Variants in HEATR4 observed in about 807,000 individuals in gnomAD.
HEATR4 encodes the protein HEAT repeat containing 4.
Under a neutral mutation model 108.8 loss-of-function variants are expected in HEATR4, and 95 were observed. That is an observed-to-expected ratio of 0.87 (90% CI 0.74 to 1.04). The LOEUF is 1.04. Ranked by LOEUF, HEATR4 falls within the 50% of genes least tolerant of loss-of-function variation. The probability of loss-of-function intolerance (pLI) is 0.00; values close to 1 mark genes in which losing one functional copy is unlikely to be tolerated. For synonymous variants in HEATR4, 443 were observed against 459.4 expected, an observed-to-expected ratio of 0.96 and a Z score of 0.46; for missense variants, 1,152 against 1,253.8, an observed-to-expected ratio of 0.92 and a Z score of 1.23.
the HEATR4 span, chr14:73,592,169 C>T: frequency 1.2e-6 from 2 of 1,603,456 alleles, no homozygotes; most frequent in African/African-American, 1.4e-5. Flanking sequence ...CGCTGGGCGG[C>T]AGCTTCGCGG....
chr14:73,495,108 G>C lies in HEATR4; in HGVS notation c.2785+120C>G, dbSNP rs1886030364. On this transcript the variant is annotated intron_variant, in intron 16 of 17. Coordinates refer to ENST00000553558, the MANE Select transcript of HEATR4 (RefSeq NM_001220484.1). Reference sequence around the variant, plus strand: ...AGTGGATGGTAGCCAAGAGGGAAGAGAGTACCCTTTCCTGACTCTTTCATC... The same window carrying C: ...AGTGGATGGTAGCCAAGAGGGAAGACAGTACCCTTTCCTGACTCTTTCATC... 5.2e-6 allele frequency: 4 copies of C among 763,546 alleles called. No homozygotes were observed. In the East Asian group the frequency reaches 7.8e-5, roughly 15 times the overall value. 47.3% of individuals were successfully genotyped at this position (763,546 alleles called of 1,614,324 possible). A position where few individuals can be genotyped will look rare whatever the true frequency, so the allele number is the denominator to read the frequency against.
intron 9 of HEATR4, 53 bp downstream of exon 9, chr14:73,508,081 C>T: frequency 6.5e-7 from 1 of 1,548,744 alleles, no homozygotes; most frequent in Non-Finnish European, 8.9e-7. Context: ...TCACTGACCT[C>T]AAAGACCTAA....
chr14:73,596,568 C>T, the HEATR4 span: 1 of 152,000 alleles, frequency 6.6e-6, no homozygotes, highest in African/African-American at 2.4e-5. Flanking sequence ...CCTTTGTCTC[C>T]TTGACATTGA....
the HEATR4 span, among the ~76,000 whole-genome samples, chr14:73,616,373 A>G: frequency 6.6e-6 from 1 of 151,920 alleles, no homozygotes; most frequent in Non-Finnish European, 1.5e-5. Flanking sequence ...GCTGGAGTGC[A>G]GTGGTGTGAC....
chr14:73,490,993 C>A, intron 17 of HEATR4: 1 of 1,348,168 alleles, frequency 7.4e-7, no homozygotes, highest in Middle Eastern at 2.6e-4. Context: ...GCCGGCCGGG[C>A]GGGGAAGACT....
At chr14:73,599,853 C>T in the HEATR4 span, among the ~76,000 whole-genome samples, 1 of 152,300 alleles carries the variant, frequency 6.6e-6, no homozygotes, top group African/African-American at 2.4e-5. Flanking sequence ...AGTCTGCCTT[C>T]TGGCCATACA....
intron 9 of HEATR4, among the ~76,000 whole-genome samples, chr14:73,506,804 G>GTTTTTTGTTTT (rs1886865394): frequency 2.5e-5 from 2 of 80,522 alleles, no homozygotes; most frequent in African/African-American, 9.8e-5. Flanking sequence ...GACTTTAACT[G>GTTTTTTGTTTT]TTTTTTTTTT....
At chr14:73,604,528 C>A in the HEATR4 span, among the ~76,000 whole-genome samples, 1 of 151,916 alleles carries the variant, frequency 6.6e-6, no homozygotes. Flanking sequence ...CTCTGTTGCC[C>A]AGGCTGGAGT....
At chr14:73,514,348 A>G in intron 5 of HEATR4, 114 bp from the exon 6 acceptor site, 1 of 862,340 alleles carries the variant, frequency 1.2e-6, no homozygotes. Flanking sequence ...GCAAAACAAA[A>G]CCCTCAAGAG....
At chr14:73,611,669 G>C in the HEATR4 span, 1 of 152,258 alleles carries the variant, frequency 6.6e-6, no homozygotes, top group East Asian at 1.9e-4. Context: ...TTACACATTA[G>C]CCCATTTAAT....
At chr14:73,499,825 G>A (rs1886329451) in intron 12 of HEATR4, among the ~76,000 whole-genome samples, 1 of 152,210 alleles carries the variant, frequency 6.6e-6, no homozygotes, top group Non-Finnish European at 1.5e-5. Context: ...ATTCAGGGGT[G>A]TGCTCTAGAA....
chr14:73,535,643 T>A (rs543611668), intron 1 of HEATR4, among the ~76,000 whole-genome samples: 1 of 111,340 alleles, frequency 9.0e-6, no homozygotes, highest in Non-Finnish European at 1.9e-5. Context: ...GAATTTTTTG[T>A]ATTTTTGGTT....
intron 10 of HEATR4, among the ~76,000 whole-genome samples, chr14:73,504,305 C>T (rs1449845567): frequency 1.3e-5 from 2 of 151,100 alleles, no homozygotes; most frequent in African/African-American, 2.4e-5. Flanking sequence ...CGCAGTGGTG[C>T]GATCTCAACT....
the HEATR4 span, among the ~76,000 whole-genome samples, chr14:73,621,225 G>T: frequency 7.7e-6 from 1 of 130,696 alleles, no homozygotes; most frequent in Non-Finnish European, 1.7e-5. Flanking sequence ...AAAAACACTT[G>T]TCTCTGAACG....
rs537485788 is a variant in HEATR4, at chr14:73,553,779, C to T, written c.-152+4972G>A. On this transcript the variant is annotated intron_variant, in intron 1 of 17. Coordinates refer to ENST00000553558, the MANE Select transcript of HEATR4 (RefSeq NM_001220484.1). The stretch of plus-strand genomic sequence containing the variant: ...CCTCCCTAGTAGCTGGGATTACAGG[C>T]ATGCACTAGCATGCCCCGCTAAGGC... Among the ~76,000 whole-genome samples, 58 of 113,014 alleles carry T rather than the reference C, an allele frequency of 5.1e-4. 18 individuals carry two copies. Among genetic ancestry groups the T allele is most frequent in the Admixed American group, 1.4e-3 (14 of 9,918 alleles). 74.1% of individuals were successfully genotyped at this position (113,014 alleles called of 152,430 possible).
Position 73,514,161 on chromosome 14 carries a change from C to T in HEATR4, c.1284G>A (p.Val428=). ...PTPAKDMLLQ[V]GEKDVPIKTR... is the part of the protein sequence containing the mutation. ...TCTTAATAGGCACATCCTTCTCACC[C>T]ACCTGCAGCAGCATATCCTTGGCGG... is the stretch of plus-strand genomic sequence containing the variant. The change falls in exon 6 of 18, where the codon GTG becomes GTA. Residue 428 remains valine, a synonymous_variant. Coordinates refer to ENST00000553558, the MANE Select transcript of HEATR4 (RefSeq NM_001220484.1). The T allele has an allele frequency of 1.9e-6, 3 of 1,614,156 alleles. No individual in the cohort carries two copies. The highest frequency in any genetic ancestry group is 2.5e-6 in the Non-Finnish European group (3 of 1,180,020).
chr14:73,601,336 G>A, the HEATR4 span, among the ~76,000 whole-genome samples: 1 of 149,112 alleles, frequency 6.7e-6, no homozygotes, highest in African/African-American at 2.6e-5. Flanking sequence ...GGCTGAGGCG[G>A]ACAGATCACT....
At chr14:73,499,292 C>T (rs1886284100) in intron 12 of HEATR4, 152 bp from the exon 13 acceptor site, 1 of 692,546 alleles carries the variant, frequency 1.4e-6, no homozygotes, top group Non-Finnish European at 2.6e-6. Flanking sequence ...ACCAGCCTGG[C>T]CAACATGGTG....
chr14:73,557,373 C>T lies in HEATR4; in HGVS notation c.-152+1378G>A, dbSNP rs71427202. On this transcript the variant is annotated intron_variant, in intron 1 of 17. Transcript: ENST00000553558. ...ATCTCAGAGATTCCAAATTTAGTTCCACTTTTCTGTTTGCTTATCAGTCGC... is the reference window on the plus strand; with the variant it reads ...ATCTCAGAGATTCCAAATTTAGTTCTACTTTTCTGTTTGCTTATCAGTCGC... Among the ~76,000 whole-genome samples, 57 of 107,864 alleles carry T rather than the reference C, an allele frequency of 5.3e-4. 7 individuals carry two copies. Among genetic ancestry groups the T allele is most frequent in the South Asian group, 5.1e-3 (17 of 3,334 alleles). The allele number at this position is 107,864 out of a possible 152,430, so 70.8% of individuals were successfully genotyped here. A position where few individuals can be genotyped will look rare whatever the true frequency, so the allele number is the denominator to read the frequency against.
Sources: allele counts gnomAD v4.1 joint callset (sites outside exome capture counted in the v4.1 genomes callset), GRCh38; gene constraint gnomAD v4.1.1; transcripts MANE v1.5; gene names NCBI Gene and HGNC (gene_info 2026-07-23, HGNC 2026-07-21).